Variants in GLG1 observed in about 807,000 individuals in gnomAD.
The protein encoded by GLG1 is Golgi apparatus protein 1.
GLG1 carries 38 observed loss-of-function variants against 160.5 expected under a neutral mutation model. The ratio of observed to expected loss-of-function variants is 0.24; its 90% CI spans 0.18 to 0.31. The LOEUF (loss-of-function observed/expected upper bound fraction) is 0.31, where lower values mean the gene tolerates loss of function less well. GLG1 is among the 10% of genes least tolerant of loss of function. The pLI, the probability that GLG1 is intolerant of heterozygous loss-of-function variation, is 1.00. For synonymous variants in GLG1, 644 were observed against 543.4 expected (o/e 1.19, Z -2.57); for missense variants, 1,373 against 1,505.2 (o/e 0.91, Z 1.45).
rs368459488 is a variant in GLG1, at chr16:74,485,963, G to A, written c.1450-46C>T. ...AAGGAAGAAAGAAAGTCACTTAGGT[G>A]CTAGGTAAGAGCAGTGTCTTCATAC... is the stretch of plus-strand genomic sequence containing the variant. On this transcript the variant is annotated intron_variant, in intron 8 of 25. Transcript: ENST00000422840. The A allele has an allele frequency of 2.0e-4, 300 of 1,531,162 alleles. 1 individual carries two copies. Among genetic ancestry groups the A allele is most frequent in the Admixed American group, 1.0e-3 (61 of 58,490 alleles). The allele number at this position is 1,531,162 out of a possible 1,614,324, so 94.8% of individuals were successfully genotyped here.
At chr16:74,459,302 C>T (rs556232765) in intron 23 of GLG1, among the ~76,000 whole-genome samples, 1 of 152,216 alleles carries the variant, frequency 6.6e-6, no homozygotes, top group Non-Finnish European at 1.5e-5. Context: ...CACAGTGAAC[C>T]CCCGTCTCTA....
intron 8 of GLG1, among the ~76,000 whole-genome samples, chr16:74,490,667 T>C (rs950673513): frequency 6.6e-6 from 1 of 152,238 alleles, no homozygotes; most frequent in South Asian, 2.1e-4. Context: ...CCTGTCGTCA[T>C]TGATTGGAAC....
chr16:74,494,595 C>T (rs1176718002), intron 6 of GLG1, among the ~76,000 whole-genome samples, 165 bp downstream of exon 6: 5 of 151,828 alleles, frequency 3.3e-5, no homozygotes, highest in South Asian at 2.1e-4. Context: ...TTAGTAGAGA[C>T]GGCGTTTCAC....
At chr16:74,513,010 T>C (rs542752607) in intron 2 of GLG1, among the ~76,000 whole-genome samples, 37 of 152,192 alleles carry the variant, frequency 2.4e-4, no homozygotes, top group African/African-American at 7.7e-4. Flanking sequence ...TGATAACCTA[T>C]GGAAACAGAG....
intron 1 of GLG1, among the ~76,000 whole-genome samples, chr16:74,544,590 T>TCC (rs1322868916): frequency 6.6e-6 from 1 of 152,190 alleles, no homozygotes; most frequent in Non-Finnish European, 1.5e-5. Flanking sequence ...CACTGTAACC[T>TCC]CCGCCTCCCA....
At chr16:74,500,297 A>G (rs1403417452) in intron 4 of GLG1, among the ~76,000 whole-genome samples, 1 of 152,180 alleles carries the variant, frequency 6.6e-6, no homozygotes, top group East Asian at 1.9e-4. Flanking sequence ...TTGGCATATG[A>G]GTAATAAATT....
intron 1 of GLG1, among the ~76,000 whole-genome samples, chr16:74,597,471 C>T (rs574396132): frequency 5.3e-5 from 8 of 151,112 alleles, no homozygotes; most frequent in African/African-American, 1.5e-4. Flanking sequence ...AAAAAAGCTC[C>T]GGTGATAGAT....
intron 1 of GLG1, among the ~76,000 whole-genome samples, chr16:74,575,463 A>C (rs2018976003): frequency 6.6e-6 from 1 of 152,244 alleles, no homozygotes; most frequent in South Asian, 2.1e-4. Context: ...AAGACATCAC[A>C]AATAACAAAA....
intron 1 of GLG1, among the ~76,000 whole-genome samples, chr16:74,573,610 G>C (rs1455159190): frequency 1.6e-5 from 2 of 122,936 alleles, no homozygotes; most frequent in Admixed American, 9.3e-5. Flanking sequence ...TTTTTAAATA[G>C]AGACAGGGTC....
chr16:74,453,418 C>G, intron 25 of GLG1, 84 bp from the exon 26 acceptor site: 1 of 807,764 alleles, frequency 1.2e-6, no homozygotes, highest in Non-Finnish European at 2.0e-6. Context: ...CTCTCAGTTC[C>G]TAGTTTAATT....
intron 1 of GLG1, among the ~76,000 whole-genome samples, chr16:74,546,672 T>C (rs1364645541): frequency 6.6e-6 from 1 of 151,120 alleles, no homozygotes; most frequent in East Asian, 2.0e-4. Flanking sequence ...ACCCCGTCTC[T>C]ACTAAAAATA....
At chr16:74,502,840 G>C (rs939780349) in intron 4 of GLG1, among the ~76,000 whole-genome samples, 1 of 149,496 alleles carries the variant, frequency 6.7e-6, no homozygotes, top group African/African-American at 2.5e-5. Context: ...AAAGTGTTGG[G>C]ATTACAGGCA....
intron 4 of GLG1, among the ~76,000 whole-genome samples, chr16:74,498,952 G>A (rs1239112466): frequency 6.7e-6 from 1 of 148,268 alleles, no homozygotes; most frequent in Non-Finnish European, 1.5e-5. Context: ...ACCAAAGAAT[G>A]TATTTTTTTC....
intron 16 of GLG1, chr16:74,469,388 G>A (rs2015117037): frequency 3.4e-6 from 1 of 292,836 alleles, no homozygotes; most frequent in Non-Finnish European, 6.5e-6. Flanking sequence ...CTCTAGGACT[G>A]TACTTTTGAC....
At chr16:74,595,712 G>A (rs1958283480) in intron 1 of GLG1, among the ~76,000 whole-genome samples, 1 of 152,180 alleles carries the variant, frequency 6.6e-6, no homozygotes, top group Non-Finnish European at 1.5e-5. Context: ...ATAAGTATGT[G>A]AGACACATAC....
chr16:74,474,588 C>T lies in GLG1; in HGVS notation c.2010G>A (p.Glu670=). Residue 670 remains glutamate, a synonymous_variant, in exon 13 of 26, where the codon GAG becomes GAA. Coordinates refer to ENST00000422840, the MANE Select transcript of GLG1 (RefSeq NM_001145667.2). ...TGAGGTTGCCAACTATATCTCTACA[C>T]TCCACCACCAAGTCATCCAGATGGT... is the stretch of plus-strand genomic sequence containing the variant. ...LQDHLDDLVV[E]CRDIVGNLTE... 6.3e-7 allele frequency: 1 copy of T among 1,588,260 alleles called. No homozygotes were observed. The highest frequency in any genetic ancestry group is 8.6e-7 in the Non-Finnish European group (1 of 1,156,388).
chr16:74,578,187 G>A (rs1437978314), intron 1 of GLG1, among the ~76,000 whole-genome samples: 2 of 152,184 alleles, frequency 1.3e-5, no homozygotes, highest in Admixed American at 6.5e-5. Flanking sequence ...TTATGAGTAT[G>A]TGATGACTCA....
chr16:74,587,484 T>A (rs1288405289), intron 1 of GLG1, among the ~76,000 whole-genome samples: 1 of 152,198 alleles, frequency 6.6e-6, no homozygotes, highest in East Asian at 1.9e-4. Flanking sequence ...ACCACACTTG[T>A]AAAGCAGGAA....
intron 1 of GLG1, among the ~76,000 whole-genome samples, chr16:74,587,775 G>T (rs547732348): frequency 1.6e-4 from 25 of 152,238 alleles, no homozygotes; most frequent in African/African-American, 5.3e-4. Flanking sequence ...AGAATCACTT[G>T]AACCTGGGAG....
Sources: gnomAD v4.1 joint callset for allele counts (sites outside exome capture counted in the v4.1 genomes callset) on GRCh38, gnomAD v4.1.1 for gene constraint, MANE v1.5 for transcripts, NCBI Gene and HGNC (gene_info 2026-07-23, HGNC 2026-07-21) for gene names.